TTC21B: variants seen among roughly 807,000 people sequenced by gnomAD.
TTC21B encodes the protein tetratricopeptide repeat domain 21B, also known as tetratricopeptide repeat protein 21B.
A neutral mutation model predicts 175.1 loss-of-function variants in TTC21B; 127 were observed. That is an observed-to-expected ratio of 0.73 (90% CI 0.63 to 0.84). The LOEUF is 0.84. Among genes scored for constraint, TTC21B ranks in the 40% least tolerant of loss-of-function variants. The pLI, the probability that TTC21B is intolerant of heterozygous loss-of-function variation, is 0.00. For synonymous variants in TTC21B, 524 were observed against 524.5 expected (o/e 1.00, Z 0.01); for missense variants, 1,561 against 1,558.3 (o/e 1.00, Z -0.03).
chr2:165,890,662 T>A (rs1446005271), intron 23 of TTC21B, 22 bp from the exon 24 acceptor site: 12 of 1,609,916 alleles, frequency 7.5e-6, no homozygotes, highest in Non-Finnish European at 1.0e-5. Flanking sequence ...TTTAAAAGAA[T>A]TATTTATTTC....
At chr2:165,949,081 T>C (rs1030084309) in intron 3 of TTC21B, 7 of 345,650 alleles carry the variant, frequency 2.0e-5, no homozygotes, top group Non-Finnish European at 5.4e-6. Context: ...TTTATGTACA[T>C]ACGGTACCTG....
chr2:165,938,582 C>G (rs951690962), intron 6 of TTC21B, among the ~76,000 whole-genome samples: 4 of 152,204 alleles, frequency 2.6e-5, no homozygotes, highest in African/African-American at 9.6e-5. Flanking sequence ...GATAAAGCAA[C>G]AAGTTGTACT....
At chr2:165,878,678 C>A (rs1049482853) in intron 27 of TTC21B, among the ~76,000 whole-genome samples, 1 of 145,514 alleles carries the variant, frequency 6.9e-6, no homozygotes, top group African/African-American at 2.6e-5. Context: ...AGCATGAGCA[C>A]GATTTTTTTT....
At chr2:165,941,982 A>T (rs1471225762) in intron 5 of TTC21B, among the ~76,000 whole-genome samples, 1 of 152,214 alleles carries the variant, frequency 6.6e-6, no homozygotes, top group Non-Finnish European at 1.5e-5. Context: ...TAGTCAGAAA[A>T]AATAAAGCTA....
Position 165,949,407 on chromosome 2 carries a change from CATTTT to C in TTC21B, c.244_248del (p.Lys82GlufsTer3), listed in dbSNP as rs773543112. On this transcript the variant is annotated frameshift_variant, in exon 3 of 29. Transcript: ENST00000243344. LOFTEE classifies it high-confidence loss of function. ...TAAATATCATACCTGGATTAGGACT[CATTTT>C]ATGGGCATATATCAGTGCAAGTAGA... 1.9e-6 allele frequency: 3 copies of C among 1,610,534 alleles called. No individual in the cohort carries two copies. The highest frequency in any genetic ancestry group is 2.5e-6 in the Non-Finnish European group (3 of 1,176,866).
At chr2:165,896,856 C>G (rs1685383329) in intron 22 of TTC21B, among the ~76,000 whole-genome samples, 1 of 152,192 alleles carries the variant, frequency 6.6e-6, no homozygotes, top group South Asian at 2.1e-4. Context: ...TCTTTTGCAG[C>G]CACGGAGGTG....
chr2:165,953,502 C>T (rs1687823776), intron 1 of TTC21B, among the ~76,000 whole-genome samples, 183 bp downstream of exon 1: 1 of 152,206 alleles, frequency 6.6e-6, no homozygotes, highest in Non-Finnish European at 1.5e-5. Flanking sequence ...CCCAGCAGGG[C>T]CCGCGGAGAC....
At chr2:165,927,193 T>C (rs1426972997) in intron 11 of TTC21B, among the ~76,000 whole-genome samples, 7 of 47,160 alleles carry the variant, frequency 1.5e-4, no homozygotes, top group African/African-American at 4.7e-4. Context: ...TATATCCTAG[T>C]AGTTATATAT....
rs578083621 is a variant in TTC21B, at chr2:165,928,306, A to C, written c.1386+829T>G. Among the ~76,000 whole-genome samples, 27 of 152,298 alleles carry C rather than the reference A, an allele frequency of 1.8e-4. No homozygotes were observed. The East Asian group carries it at 5.0e-3, about 28-fold the overall frequency. On this transcript the variant is annotated intron_variant, in intron 11 of 28. Transcript: ENST00000243344. Reference sequence around the variant, plus strand: ...GTAGAGTCCTACATTTGAGTCCAAAAGTACAACAAGTAAGAGACTGAAAGT... The same window carrying C: ...GTAGAGTCCTACATTTGAGTCCAAACGTACAACAAGTAAGAGACTGAAAGT...
intron 22 of TTC21B, among the ~76,000 whole-genome samples, chr2:165,898,309 A>C (rs1166041693): frequency 3.9e-5 from 6 of 152,142 alleles, no homozygotes; most frequent in African/African-American, 1.4e-4. Flanking sequence ...CAAAGAATGG[A>C]GAAGTTCTCT....
intron 11 of TTC21B, among the ~76,000 whole-genome samples, chr2:165,925,536 G>A (rs1686595894): frequency 6.6e-6 from 1 of 152,014 alleles, no homozygotes. Flanking sequence ...GCCTTCTTAT[G>A]GAAAATTACT....
At position 165,880,706 on chromosome 2, in the gene TTC21B, A is replaced by G; in HGVS notation, c.3778T>C (p.Tyr1260His). The G allele has an allele frequency of 6.2e-7, 1 of 1,613,636 alleles. No individual in the cohort carries two copies. Among genetic ancestry groups the G allele is most frequent in the Non-Finnish European group, 8.5e-7 (1 of 1,179,804 alleles). Residue 1260 changes from tyrosine (Y) to histidine (H), a missense_variant, in exon 27 of 29, where the codon TAT (tyrosine) becomes CAT (histidine). Physicochemically the swap from Tyr to His is moderately conservative, Grantham distance 83. Coordinates refer to ENST00000243344, the MANE Select transcript of TTC21B (RefSeq NM_024753.5). ...AALNYEMAWK[Y>H]SNRTNPAVGY... ...ACTGCCGGATTTGTCCGATTGCTAT[A>G]TTTCCATGCCATCTCATAGTTCAAG...
chr2:165,888,221 T>C, intron 25 of TTC21B, 58 bp downstream of exon 25: 4 of 1,301,446 alleles, frequency 3.1e-6, no homozygotes, highest in South Asian at 1.2e-5. Context: ...TCAAAATATA[T>C]GTTTCTATAC....
intron 26 of TTC21B, among the ~76,000 whole-genome samples, chr2:165,883,591 A>C (rs960437360): frequency 6.6e-6 from 1 of 152,138 alleles, no homozygotes; most frequent in South Asian, 2.1e-4. Flanking sequence ...AAATTGCATA[A>C]ATCTTTCTTT....
chr2:165,888,133 T>C, intron 25 of TTC21B, 146 bp downstream of exon 25: 1 of 639,740 alleles, frequency 1.6e-6, no homozygotes, highest in East Asian at 2.8e-5. Flanking sequence ...GAAGGGGACA[T>C]TGTGTATGCC....
chr2:165,895,303 C>A (rs1685325988), intron 22 of TTC21B, among the ~76,000 whole-genome samples: 1 of 152,106 alleles, frequency 6.6e-6, no homozygotes, highest in Non-Finnish European at 1.5e-5. Flanking sequence ...TCCAAAGCAG[C>A]CAGTCTACTA....
chr2:165,904,870 T>G (rs1685678619), intron 19 of TTC21B, among the ~76,000 whole-genome samples: 1 of 152,104 alleles, frequency 6.6e-6, no homozygotes, highest in African/African-American at 2.4e-5. Flanking sequence ...ACTAGACAAC[T>G]GCAAAACAAA....
chr2:165,886,625 T>A (rs1469614309), intron 25 of TTC21B, among the ~76,000 whole-genome samples: 1 of 152,014 alleles, frequency 6.6e-6, no homozygotes, highest in Non-Finnish European at 1.5e-5. Flanking sequence ...TAAGGATGAT[T>A]AAAAAAAATA....
intron 26 of TTC21B, among the ~76,000 whole-genome samples, chr2:165,883,392 A>C (rs1458872367): frequency 3.9e-5 from 6 of 152,216 alleles, no homozygotes. Context: ...AGATTCTAAT[A>C]ATGAGAAAAT....
Sources: gnomAD v4.1 joint callset for allele counts (sites outside exome capture counted in the v4.1 genomes callset) on GRCh38, gnomAD v4.1.1 for gene constraint, MANE v1.5 for transcripts, NCBI Gene and HGNC (gene_info 2026-07-23, HGNC 2026-07-21) for gene names.